SLC25A22: variants seen among roughly 807,000 people sequenced by gnomAD.
The protein encoded by SLC25A22 is solute carrier family 25 member 22, also known as mitochondrial glutamate carrier 1.
SLC25A22 carries 23 observed loss-of-function variants against 33.7 expected under a neutral mutation model. That is an observed-to-expected ratio of 0.68 (90% CI 0.49 to 0.97). The LOEUF is 0.97. Ranked by LOEUF, SLC25A22 falls within the 50% of genes least tolerant of loss-of-function variation. The probability of loss-of-function intolerance (pLI) is 0.00; values close to 1 mark genes in which losing one functional copy is unlikely to be tolerated. For missense variants in SLC25A22, 390 were observed against 451.1 expected, an observed-to-expected ratio of 0.86 and a Z score of 1.23; for synonymous variants, 245 against 203.8, an observed-to-expected ratio of 1.20 and a Z score of -1.72.
rs756446956 is a variant in SLC25A22, at chr11:792,999, G to C, written c.294-11C>G. ...AGGGTCAGCTTCTGCCTGTGGTAGG[G>C]GCGGGGCCGCAGTAAGTGGGAAGAG... is the stretch of plus-strand genomic sequence containing the variant. On this transcript the variant is annotated splice_polypyrimidine_tract_variant and intron_variant, in intron 5 of 9. Coordinates refer to ENST00000628067, the MANE Select transcript of SLC25A22 (RefSeq NM_001191061.2). The C allele has an allele frequency of 6.2e-7, 1 of 1,612,256 alleles. No homozygotes were observed. Among genetic ancestry groups the C allele is most frequent in the African/African-American group, 1.3e-5 (1 of 74,902 alleles).
At position 794,877 on chromosome 11, in the gene SLC25A22, G is replaced by A. The variant is rs748378875; in HGVS notation, c.45C>T (p.Gly15=). Residue 15 remains glycine, a synonymous_variant, in exon 3 of 10, where the codon GGC becomes GGT. Coordinates refer to ENST00000628067, the MANE Select transcript of SLC25A22 (RefSeq NM_001191061.2). ...QISLPAKLIN[G]GIAGLIGVTC... ...TGACACCGATCAGCCCGGCGATGCC[G>A]CCATTGATGAGCTTGGCTGGCAGGC... 7.7e-6 allele frequency: 12 copies of A among 1,567,628 alleles called. No homozygotes were observed. Among genetic ancestry groups the A allele is most frequent in the African/African-American group, 4.0e-5 (3 of 74,228 alleles).
At position 791,389 on chromosome 11, in the gene SLC25A22, A is replaced by G. The variant is rs928405287; in HGVS notation, c.*526T>C. 1.1e-5 allele frequency: 2 copies of G among 177,232 alleles called. No homozygotes were observed. Among genetic ancestry groups the G allele is most frequent in the Non-Finnish European group, 2.4e-5 (2 of 82,846 alleles). 11.0% of individuals were successfully genotyped at this position (177,232 alleles called of 1,614,324 possible). ...CTCAACAGAGAGGGCAGGAGACCCCAGTCCTCTTGCAAGGCTGGCCAGGGA... is the reference window on the plus strand; with the variant it reads ...CTCAACAGAGAGGGCAGGAGACCCCGGTCCTCTTGCAAGGCTGGCCAGGGA... On this transcript the variant is annotated 3_prime_UTR_variant, in exon 10 of 10. Transcript: ENST00000628067.
In SLC25A22 at chr11:792,675, A is replaced by AC; in HGVS notation, c.464dup (p.Ala156CysfsTer92). ...CTGGAGCCTCCACTGAGGGCTGGGC[A>AC]CCCCCCTGGGCCGAGAGCTGGCCCT... On this transcript the variant is annotated frameshift_variant, in exon 7 of 10. Coordinates refer to ENST00000628067, the MANE Select transcript of SLC25A22 (RefSeq NM_001191061.2). LOFTEE classifies it high-confidence loss of function. The AC allele has an allele frequency of 6.4e-7, 1 of 1,561,110 alleles. No individual in the cohort carries two copies. The highest frequency in any genetic ancestry group is 8.6e-7 in the Non-Finnish European group (1 of 1,156,340).
At position 791,758 on chromosome 11, in the gene SLC25A22, G is replaced by A. The variant is rs1329909191; in HGVS notation, c.*157C>T. 1 of 1,009,476 alleles carries A rather than the reference G, an allele frequency of 9.9e-7. No homozygotes were observed. The highest frequency in any genetic ancestry group is 2.6e-5 in the East Asian group (1 of 38,052). 62.5% of individuals were successfully genotyped at this position (1,009,476 alleles called of 1,614,324 possible). ...AGGCAGCACCCCGGGGGGCTTGCGT[G>A]TGCACCACCTATGTGGACCCTGCAC... is the stretch of plus-strand genomic sequence containing the variant. On this transcript the variant is annotated 3_prime_UTR_variant, in exon 10 of 10. Transcript: ENST00000628067.
At chr11:797,077 C>T (rs1864861442) in intron 1 of SLC25A22, among the ~76,000 whole-genome samples, 1 of 152,206 alleles carries the variant, frequency 6.6e-6, no homozygotes, top group African/African-American at 2.4e-5. Context: ...CCCCTTCCTC[C>T]TGGGAGCCTA....
At chr11:795,513 C>T (rs563173175) in intron 1 of SLC25A22, 223 of 326,716 alleles carry the variant, frequency 6.8e-4, no homozygotes, top group South Asian at 5.4e-3. Context: ...GGGTGCCTAC[C>T]GGAGCACCTC....
Position 792,636 on chromosome 11 carries a change from G to C in SLC25A22, c.504C>G (p.Pro168=), listed in dbSNP as rs777307961. ...GGTCGCGGGTCAGCTGGGTGGCCGT[G>C]GGCCGAGGGGCAGCTGGAGCCTCCA... ...PSVEAPAAPR[P]TATQLTRDLL... Residue 168 remains proline (P), a synonymous_variant, in exon 7 of 10, where the codon CCC becomes CCG. Transcript: ENST00000628067. 1.3e-6 allele frequency: 2 copies of C among 1,589,482 alleles called. No individual in the cohort carries two copies. Among genetic ancestry groups the C allele is most frequent in the Non-Finnish European group, 1.7e-6 (2 of 1,169,396 alleles).
At position 792,681 on chromosome 11, in the gene SLC25A22, C is replaced by T. The variant is rs1437167546; in HGVS notation, c.459G>A (p.Gln153=). The T allele has an allele frequency of 1.3e-6, 2 of 1,558,694 alleles. No homozygotes were observed. Among genetic ancestry groups the T allele is most frequent in the Non-Finnish European group, 8.7e-7 (1 of 1,155,132 alleles). ...CCTCCACTGAGGGCTGGGCACCCCC[C>T]TGGGCCGAGAGCTGGCCCTGGGCAG... ...ILAAQGQLSA[Q]GGAQPSVEAP... The change falls in exon 7 of 10, where the codon CAG becomes CAA. Residue 153 remains glutamine, a synonymous_variant. Transcript: ENST00000628067.
chr11:793,680 GC>G, intron 4 of SLC25A22, 61 bp from the exon 5 acceptor site: 1 of 1,150,384 alleles, frequency 8.7e-7, no homozygotes, highest in Non-Finnish European at 1.3e-6. Context: ...GAGGCGCTTG[GC>G]CAGGACTTGC....
At chr11:796,710 A>C (rs2133725816) in intron 1 of SLC25A22, among the ~76,000 whole-genome samples, 1 of 152,294 alleles carries the variant, frequency 6.6e-6, no homozygotes, top group African/African-American at 2.4e-5. Flanking sequence ...GGGCCACAAA[A>C]AAGGCCTGCT....
rs779613015 is a variant in SLC25A22 at position 794,523 on chromosome 11, A to C, written c.147-10T>G. 1.9e-5 allele frequency: 31 copies of C among 1,611,772 alleles called. No homozygotes were observed. In the African/African-American group the frequency reaches 3.7e-4, roughly 19 times the overall value. On this transcript the variant is annotated splice_polypyrimidine_tract_variant and intron_variant, in intron 3 of 9. Coordinates refer to ENST00000628067, the MANE Select transcript of SLC25A22 (RefSeq NM_001191061.2). Reference sequence around the variant, plus strand: ...GATGAGGCAGTCGGACCTGTGGCCAAGGGGACAGGGTGAGCCAGGGCCAGC... The same window carrying C: ...GATGAGGCAGTCGGACCTGTGGCCACGGGGACAGGGTGAGCCAGGGCCAGC...
chr11:797,646 C>A (rs931068602), intron 1 of SLC25A22: 69 of 398,592 alleles, frequency 1.7e-4, no homozygotes, highest in African/African-American at 1.4e-3. Flanking sequence ...GGCTCCGAGT[C>A]TGGCCGGCGG....
In SLC25A22 at chr11:792,742, G is replaced by A. The variant is rs1864601346; in HGVS notation, c.413-15C>T. ...CCTCTGGGCGGCTGGGGACAAAGAG[G>A]CTGCTGTCTCCTCTTCTGTGCGAAC... On this transcript the variant is annotated splice_polypyrimidine_tract_variant and intron_variant, in intron 6 of 9. Coordinates refer to ENST00000628067, the MANE Select transcript of SLC25A22 (RefSeq NM_001191061.2). The A allele has an allele frequency of 1.3e-6, 2 of 1,544,928 alleles. No homozygotes were observed. Among genetic ancestry groups the A allele is most frequent in the Admixed American group, 1.9e-5 (1 of 51,450 alleles).
At chr11:793,847 GTC>G in intron 4 of SLC25A22, 1 of 591,712 alleles carries the variant, frequency 1.7e-6, no homozygotes, top group African/African-American at 1.9e-5. Flanking sequence ...AGCTCCATCT[GTC>G]TCTGATTCTG....
rs550141029 is a variant in SLC25A22, at chr11:795,107, G to C, written c.-101C>G. 14 of 1,400,456 alleles carry C rather than the reference G, an allele frequency of 1.0e-5. No homozygotes were observed. In the South Asian group the frequency reaches 1.2e-4, roughly 12 times the overall value. The allele number at this position is 1,400,456 out of a possible 1,614,324, so 86.8% of individuals were successfully genotyped here. A position where few individuals can be genotyped will look rare whatever the true frequency, so the allele number is the denominator to read the frequency against. Reference sequence around the variant, plus strand: ...GGCCTTGAGGGAGGGTGGGACCCAGGGGGGTTGGGTGGTGCTCCACCTTCA... The same window carrying C: ...GGCCTTGAGGGAGGGTGGGACCCAGCGGGGTTGGGTGGTGCTCCACCTTCA... On this transcript the variant is annotated 5_prime_UTR_variant, in exon 2 of 10. Coordinates refer to ENST00000628067, the MANE Select transcript of SLC25A22 (RefSeq NM_001191061.2).
intron 4 of SLC25A22, 147 bp downstream of exon 4, chr11:794,311 C>T: frequency 1.1e-6 from 1 of 951,988 alleles, no homozygotes; most frequent in Non-Finnish European, 1.6e-6. Flanking sequence ...GTCCCCCCTG[C>T]ACAGGCACAG....
At position 798,227 on chromosome 11, in the gene SLC25A22, G is replaced by GC; in HGVS notation, c.-175dup. The GC allele has an allele frequency of 2.5e-6, 1 of 395,098 alleles. No individual in the cohort carries two copies. The highest frequency in any genetic ancestry group is 4.5e-6 in the Non-Finnish European group (1 of 223,934). The allele number at this position is 395,098 out of a possible 1,614,324, so 24.5% of individuals were successfully genotyped here. ...CGGGCAGACACTCACCACGCTCGCC[G>GC]CCGCCGCCGCGCTCGCCTGCCCGCC... On this transcript the variant is annotated 5_prime_UTR_variant, in exon 1 of 10. Coordinates refer to ENST00000628067, the MANE Select transcript of SLC25A22 (RefSeq NM_001191061.2).
Position 796,117 on chromosome 11 carries a change from G to A in SLC25A22, c.-163-948C>T, listed in dbSNP as rs565178069. The stretch of plus-strand genomic sequence containing the variant: ...CTCAGGGACTCGTAACCTTCACCTC[G>A]GCTTTCCAGGGCTGGGCCATCCACC... On this transcript the variant is annotated intron_variant, in intron 1 of 9. Transcript: ENST00000628067. 1.7e-3 allele frequency: 267 copies of A among 152,586 alleles called. 2 individuals carry two copies. Among genetic ancestry groups the A allele is most frequent in the South Asian group, 2.5e-3 (12 of 4,858 alleles). The allele number at this position is 152,586 out of a possible 1,614,324, so 9.5% of individuals were successfully genotyped here.
intron 1 of SLC25A22, chr11:796,316 G>C (rs1000130238): frequency 1.3e-5 from 2 of 151,872 alleles, no homozygotes; most frequent in African/African-American, 4.9e-5. Flanking sequence ...GGCGGGCTTG[G>C]GTGGGGGGGC....
Sources: allele counts gnomAD v4.1 joint callset (sites outside exome capture counted in the v4.1 genomes callset), GRCh38; gene constraint gnomAD v4.1.1; transcripts MANE v1.5; gene names NCBI Gene and HGNC (gene_info 2026-07-23, HGNC 2026-07-21).